Variants in WNK1 observed in about 807,000 individuals in gnomAD.
WNK1 encodes the protein serine/threonine-protein kinase WNK1.
A neutral mutation model predicts 222.8 loss-of-function variants in WNK1; 38 were observed. That is an observed-to-expected ratio of 0.17 (90% confidence interval 0.13 to 0.22). WNK1 has a LOEUF of 0.22. Ranked by LOEUF, WNK1 falls within the 10% of genes least tolerant of loss-of-function variation. WNK1 has a pLI of 1.00. For synonymous variants in WNK1, 1,090 were observed against 1,092.9 expected (o/e 1.00, Z 0.05); for missense variants, 2,348 against 2,918.4 (o/e 0.80, Z 4.50).
chr12:841,424 G>A (rs1949616057), intron 4 of WNK1, among the ~76,000 whole-genome samples: 1 of 152,092 alleles, frequency 6.6e-6, no homozygotes, highest in Admixed American at 6.5e-5. Flanking sequence ...ACATCCATGT[G>A]GTAGCATGTA....
At chr12:906,268 A>G in intron 26 of WNK1, 1 of 966,330 alleles carries the variant, frequency 1.0e-6, no homozygotes, top group Non-Finnish European at 1.2e-6. Flanking sequence ...CAAGACCATG[A>G]CTCTTCTTTC....
intron 1 of WNK1, among the ~76,000 whole-genome samples, chr12:768,990 A>G (rs555042473): frequency 6.6e-6 from 1 of 151,860 alleles, no homozygotes; most frequent in East Asian, 2.0e-4. Flanking sequence ...TTTGTATTTT[A>G]GTAGAGATGG....
At position 865,249 on chromosome 12, in the gene WNK1, C is replaced by T. The variant is rs923344256; in HGVS notation, c.2139+2979C>T. On this transcript the variant is annotated intron_variant, in intron 8 of 27. Transcript: ENST00000315939. ...TTCTCCTTCCCTCCTCCGGACTGCC[C>T]CGAGGAAACTTTTGCCGAAAAGCTT... The T allele has an allele frequency of 1.2e-5, 19 of 1,535,998 alleles. No homozygotes were observed. The highest frequency in any genetic ancestry group is 8.2e-5 in the African/African-American group (6 of 73,028).
chr12:795,526 C>T (rs1945236865), intron 1 of WNK1, among the ~76,000 whole-genome samples: 1 of 152,050 alleles, frequency 6.6e-6, no homozygotes, highest in Admixed American at 6.6e-5. Flanking sequence ...GGTTCTCATT[C>T]TCTGTCTGCC....
intron 17 of WNK1, 57 bp downstream of exon 17, chr12:883,888 G>T (rs1953409513): frequency 6.3e-7 from 1 of 1,594,290 alleles, no homozygotes; most frequent in Non-Finnish European, 8.5e-7. Flanking sequence ...ATTAGCCGAG[G>T]GTGGTGGCAG....
intron 2 of WNK1, among the ~76,000 whole-genome samples, chr12:825,030 CTTTA>C (rs936689909): frequency 6.6e-6 from 1 of 152,116 alleles, no homozygotes; most frequent in African/African-American, 2.4e-5. Flanking sequence ...TATTTGTGTA[CTTTA>C]TTTTTCTTTT....
At chr12:864,123 T>TTTTTTTTTTTTTTTTTTTTTTTTTC (rs71051398) in intron 8 of WNK1, among the ~76,000 whole-genome samples, 1 of 147,216 alleles carries the variant, frequency 6.8e-6, no homozygotes, top group African/African-American at 2.5e-5. Context: ...TTTTTTTTTT[T>TTTTTTTTTTTTTTTTTTTTTTTTTC]TTTTGACAGC....
rs535496188 is a variant in WNK1 at position 900,537 on chromosome 12, T to C, written c.6510T>C (p.Pro2170=). The change falls in exon 26 of 28, where the codon CCT becomes CCC. Residue 2170 remains proline (P), a synonymous_variant. Coordinates refer to ENST00000315939, the MANE Select transcript of WNK1 (RefSeq NM_018979.4). ...VLHPQQTLHP[P]GNIPESGQNQ... ...ACCCCCAGCAGACCCTCCACCCTCCTGGCAACATCCCAGAGTCCGGGCAGA... is the reference window on the plus strand; with the variant it reads ...ACCCCCAGCAGACCCTCCACCCTCCCGGCAACATCCCAGAGTCCGGGCAGA... The C allele has an allele frequency of 3.1e-6, 5 of 1,614,206 alleles. No homozygotes were observed. In the South Asian group the frequency reaches 3.3e-5, roughly 11 times the overall value.
At chr12:777,846 T>G (rs917118703) in intron 1 of WNK1, among the ~76,000 whole-genome samples, 11 of 152,242 alleles carry the variant, frequency 7.2e-5, no homozygotes, top group Admixed American at 6.5e-4. Context: ...CAGTTTACAG[T>G]ATTTATCATC....
At chr12:807,058 A>G (rs946085351) in intron 1 of WNK1, among the ~76,000 whole-genome samples, 2 of 151,664 alleles carry the variant, frequency 1.3e-5, no homozygotes, top group Admixed American at 6.6e-5. Flanking sequence ...AGTATGGAAA[A>G]GAGGGAAAGA....
chr12:866,782 T>G (rs12309274), intron 8 of WNK1, among the ~76,000 whole-genome samples: 23,142 of 152,222 alleles, frequency 0.15, 1,770 homozygotes, highest in Admixed American at 0.21. Flanking sequence ...CTGTCATTTA[T>G]ATTACCCTTT....
intron 4 of WNK1, chr12:851,279 G>A: frequency 5.5e-6 from 4 of 727,120 alleles, no homozygotes; most frequent in Non-Finnish European, 6.7e-6. Flanking sequence ...ATTGGAGGAA[G>A]GGAGTGTTTT....
In WNK1 at chr12:910,038, G is replaced by A. The variant is rs1955974917; in HGVS notation, c.*1246G>A. On this transcript the variant is annotated 3_prime_UTR_variant, in exon 28 of 28. Coordinates refer to ENST00000315939, the MANE Select transcript of WNK1 (RefSeq NM_018979.4). The stretch of plus-strand genomic sequence containing the variant: ...GACTAAAGAATGAGGAAACAAACGT[G>A]ATGCCTGGCCAGTGACTGTCATATA... 1.3e-5 allele frequency: 2 copies of A among 152,070 alleles called. No individual in the cohort carries two copies. The highest frequency in any genetic ancestry group is 1.3e-4 in the Admixed American group (2 of 15,254). The allele number at this position is 152,070 out of a possible 1,614,324, so 9.4% of individuals were successfully genotyped here.
chr12:808,815 A>T (rs1301175448), intron 1 of WNK1, among the ~76,000 whole-genome samples: 3 of 146,970 alleles, frequency 2.0e-5, no homozygotes, highest in Non-Finnish European at 4.5e-5. Flanking sequence ...CTAGGCTGGA[A>T]TGCAATGGCG....
intron 4 of WNK1, among the ~76,000 whole-genome samples, chr12:855,436 T>G (rs1950712134): frequency 6.6e-6 from 1 of 152,248 alleles, no homozygotes; most frequent in South Asian, 2.1e-4. Context: ...CAGCTTTGGA[T>G]ATAACTCTTG....
intron 4 of WNK1, among the ~76,000 whole-genome samples, chr12:842,681 A>G (rs529470148): frequency 6.6e-6 from 1 of 152,262 alleles, no homozygotes; most frequent in Admixed American, 6.5e-5. Flanking sequence ...GTCAATTTGT[A>G]AAACTTGTTC....
At chr12:756,683 A>T (rs1345304684) in intron 1 of WNK1, among the ~76,000 whole-genome samples, 1 of 152,232 alleles carries the variant, frequency 6.6e-6, no homozygotes. Flanking sequence ...GGACACTTGC[A>T]CTACATGCCT....
intron 8 of WNK1, among the ~76,000 whole-genome samples, chr12:870,294 A>G (rs910988391): frequency 1.3e-5 from 2 of 152,212 alleles, no homozygotes; most frequent in African/African-American, 4.8e-5. Context: ...AGCCCCTATT[A>G]TAAATATTAA....
chr12:815,663 A>AG (rs1947284810), intron 2 of WNK1, among the ~76,000 whole-genome samples: 1 of 152,250 alleles, frequency 6.6e-6, no homozygotes, highest in South Asian at 2.1e-4. Flanking sequence ...GAATGAATTA[A>AG]GGAGAATTAT....
Sources: gnomAD v4.1 joint callset for allele counts (sites outside exome capture counted in the v4.1 genomes callset) on GRCh38, gnomAD v4.1.1 for gene constraint, MANE v1.5 for transcripts, NCBI Gene and HGNC (gene_info 2026-07-23, HGNC 2026-07-21) for gene names.